Variants in SGPP2 observed in about 807,000 individuals in gnomAD.
SGPP2 encodes the protein sphingosine-1-phosphate phosphatase 2.
In SGPP2, 30 loss-of-function variants were observed where a neutral mutation model predicts 33.9. The ratio of observed to expected loss-of-function variants is 0.89; its 90% CI spans 0.66 to 1.20. The LOEUF is 1.20. Among genes scored for constraint, SGPP2 ranks in the 50% most tolerant of loss-of-function variants. SGPP2 has a pLI of 0.00. For missense variants in SGPP2, 458 were observed against 532.1 expected (o/e 0.86, Z 1.37); for synonymous variants, 233 against 225.0 (o/e 1.04, Z -0.32).
chr2:222,530,964 T>C lies in SGPP2; in HGVS notation c.648+5931T>C, dbSNP rs560286351. On this transcript the variant is annotated intron_variant, in intron 4 of 4. Coordinates refer to ENST00000321276, the MANE Select transcript of SGPP2 (RefSeq NM_152386.4). The stretch of plus-strand genomic sequence containing the variant: ...AGAGAGGTTTGCTCGAGCCCAGGAG[T>C]TGGAGGCTGTAGTGAGGTATGCTTG... Among the ~76,000 whole-genome samples the C allele has an allele frequency of 9.2e-5, 14 of 152,026 alleles. No homozygotes were observed. The East Asian group carries it at 2.7e-3, about 29-fold the overall frequency.
In SGPP2 at chr2:222,544,770, G is replaced by A. The variant is rs148550784; in HGVS notation, c.649-13577G>A. Among the ~76,000 whole-genome samples, 538 of 152,142 alleles carry A rather than the reference G, an allele frequency of 3.5e-3. 3 individuals are homozygous for A. Among genetic ancestry groups the A allele is most frequent in the South Asian group, 0.02 (98 of 4,810 alleles). On this transcript the variant is annotated intron_variant, in intron 4 of 4. Transcript: ENST00000321276. ...AATATAGCTCTGTTATTCTGGAAAGGTGCCTGTGACATATTATTAATCTTT... is the reference window on the plus strand; with the variant it reads ...AATATAGCTCTGTTATTCTGGAAAGATGCCTGTGACATATTATTAATCTTT...
At chr2:222,536,036 T>C (rs1239359652) in intron 4 of SGPP2, among the ~76,000 whole-genome samples, 1 of 152,194 alleles carries the variant, frequency 6.6e-6, no homozygotes, top group Non-Finnish European at 1.5e-5. Context: ...CTGCGTGTTG[T>C]ATTTGTGTTT....
chr2:222,439,210 C>G (rs1254663019), intron 1 of SGPP2, among the ~76,000 whole-genome samples: 1 of 152,130 alleles, frequency 6.6e-6, no homozygotes, highest in Non-Finnish European at 1.5e-5. Context: ...GGCCAGAGGT[C>G]TCCTTGGGGA....
At chr2:222,496,253 T>C (rs1048350007) in intron 2 of SGPP2, among the ~76,000 whole-genome samples, 5 of 152,228 alleles carry the variant, frequency 3.3e-5, no homozygotes, top group African/African-American at 1.2e-4. Flanking sequence ...GTAAAACAGT[T>C]CCCGTCCATG....
chr2:222,562,198 C>T lies in SGPP2; in HGVS notation c.*3300C>T, dbSNP rs1689555035. ...CCAGGAGCCAGATAGAATGACATGC[C>T]TTTTTCCTAATTGTCCACATTCCAC... On this transcript the variant is annotated 3_prime_UTR_variant, in exon 5 of 5. Coordinates refer to ENST00000321276, the MANE Select transcript of SGPP2 (RefSeq NM_152386.4). 6.6e-6 allele frequency among the ~76,000 whole-genome samples: 1 copy of T among 152,178 alleles called. No homozygotes were observed. The highest frequency in any genetic ancestry group is 6.5e-5 in the Admixed American group (1 of 15,280).
At chr2:222,509,585 A>C (rs138653162) in intron 2 of SGPP2, among the ~76,000 whole-genome samples, 96 of 152,334 alleles carry the variant, frequency 6.3e-4, no homozygotes, top group African/African-American at 2.2e-3. Flanking sequence ...AGAATTGAAC[A>C]GGATTTTTGA....
In SGPP2 at chr2:222,465,462, G is replaced by C. The variant is rs1023215480; in HGVS notation, c.220-9106G>C. 6.6e-6 allele frequency among the ~76,000 whole-genome samples: 1 copy of C among 151,992 alleles called. No homozygotes were observed. Among genetic ancestry groups the C allele is most frequent in the African/African-American group, 2.4e-5 (1 of 41,362 alleles). ...TGAGTAATTAAAAGTGACGGGCCAG[G>C]TTAGTAAATAGATTTGTGAATTCAG... On this transcript the variant is annotated intron_variant, in intron 1 of 4. Coordinates refer to ENST00000321276, the MANE Select transcript of SGPP2 (RefSeq NM_152386.4). The surrounding 1 kb of genome is among the most constrained non-coding windows in gnomAD (Gnocchi z 4.1).
intron 1 of SGPP2, among the ~76,000 whole-genome samples, chr2:222,438,101 G>T (rs1697271842): frequency 6.6e-6 from 1 of 152,176 alleles, no homozygotes; most frequent in South Asian, 2.1e-4. Flanking sequence ...CCAAATGAGG[G>T]ATATGTTGCC....
At position 222,550,189 on chromosome 2, in the gene SGPP2, A is replaced by G. The variant is rs1444241901; in HGVS notation, c.649-8158A>G. On this transcript the variant is annotated intron_variant, in intron 4 of 4. Coordinates refer to ENST00000321276, the MANE Select transcript of SGPP2 (RefSeq NM_152386.4). The surrounding 1 kb of genome is among the most constrained non-coding windows in gnomAD (Gnocchi z 4.5). ...CACCGCACCCAGCCTGTATGCCTTT[A>G]TTTTAAAAGTTACTTGGATCATGGA... Among the ~76,000 whole-genome samples the G allele has an allele frequency of 1.3e-5, 2 of 152,054 alleles. No individual in the cohort carries two copies. Among genetic ancestry groups the G allele is most frequent in the Non-Finnish European group, 2.9e-5 (2 of 67,988 alleles).
intron 3 of SGPP2, 29 bp from the exon 4 acceptor site, chr2:222,524,915 T>G: frequency 6.4e-7 from 1 of 1,560,980 alleles, no homozygotes; most frequent in Non-Finnish European, 8.8e-7. Context: ...TGTGATCTAA[T>G]TCCCTTGTTT....
At chr2:222,534,257 A>C (rs1040067319) in intron 4 of SGPP2, among the ~76,000 whole-genome samples, 4 of 152,210 alleles carry the variant, frequency 2.6e-5, no homozygotes, top group African/African-American at 7.2e-5. Context: ...TTGACTAATG[A>C]AACAACCATC....
chr2:222,468,211 G>A (rs934322455), intron 1 of SGPP2, among the ~76,000 whole-genome samples: 66 of 152,160 alleles, frequency 4.3e-4, no homozygotes, highest in East Asian at 1.9e-4. Context: ...GGACTGGGGC[G>A]TGGGGCGGTT....
intron 1 of SGPP2, among the ~76,000 whole-genome samples, chr2:222,436,452 C>T (rs762068262): frequency 6.6e-6 from 1 of 152,132 alleles, no homozygotes; most frequent in Non-Finnish European, 1.5e-5. Flanking sequence ...GAGAACTTTG[C>T]CCCAGCCCTG....
intron 1 of SGPP2, among the ~76,000 whole-genome samples, chr2:222,426,238 C>T (rs1375086092): frequency 1.4e-5 from 2 of 145,440 alleles, no homozygotes; most frequent in African/African-American, 5.1e-5. Context: ...AAAAAAAGAC[C>T]AAAACAAACA....
intron 4 of SGPP2, among the ~76,000 whole-genome samples, chr2:222,526,054 A>G (rs2106137276): frequency 6.6e-6 from 1 of 152,356 alleles, no homozygotes; most frequent in East Asian, 1.9e-4. Context: ...CTTAAAATGC[A>G]AAGGAAGGTG....
chr2:222,521,852 G>A lies in SGPP2; in HGVS notation c.464G>A (p.Arg155Lys). The change falls in exon 3 of 5, where the codon AGA becomes AAA. Residue 155 changes from arginine to lysine, a missense_variant. Coordinates refer to ENST00000321276, the MANE Select transcript of SGPP2 (RefSeq NM_152386.4). ...SSPPVVKLEK[R>K]LIAEYGMPST... ...CCTCCAGTTGTAAAACTGGAAAAGA[G>A]ACTGATCGCTGAATATGGAATGCCA... 6.2e-7 allele frequency: 1 copy of A among 1,611,274 alleles called. No individual in the cohort carries two copies. Among genetic ancestry groups the A allele is most frequent in the Admixed American group, 1.7e-5 (1 of 59,572 alleles).
In SGPP2 at chr2:222,468,666, C is replaced by A. The variant is rs560943133; in HGVS notation, c.220-5902C>A. 7.2e-5 allele frequency among the ~76,000 whole-genome samples: 11 copies of A among 152,282 alleles called. No homozygotes were observed. The East Asian group carries it at 2.1e-3, about 29-fold the overall frequency. On this transcript the variant is annotated intron_variant, in intron 1 of 4. Transcript: ENST00000321276. ...GTATATTTCCTTTGCATTTAGGACT[C>A]CTTTGTATGTGTTTGGAAAGCAAAG...
At position 222,558,643 on chromosome 2, in the gene SGPP2, A is replaced by G. The variant is rs4674664; in HGVS notation, c.945A>G (p.Pro315=). ...ESLPVIQNIP[P]LTTYMLVLGL... ...TCCCTGTTATTCAGAACATCCCACC[A>G]CTCACCACCTACATGTTAGTTTTGG... The change falls in exon 5 of 5, where the codon CCA becomes CCG. Residue 315 remains proline, a synonymous_variant. Coordinates refer to ENST00000321276, the MANE Select transcript of SGPP2 (RefSeq NM_152386.4). The G allele has an allele frequency of 0.92, 1,492,891 of 1,614,040 alleles. 692,943 individuals carry two copies. The highest frequency in any genetic ancestry group is 1 in the East Asian group (44,872 of 44,886).
chr2:222,525,539 C>T (rs1340269737), intron 4 of SGPP2, among the ~76,000 whole-genome samples: 1 of 152,138 alleles, frequency 6.6e-6, no homozygotes, highest in Non-Finnish European at 1.5e-5. Flanking sequence ...AACAGAGTCC[C>T]ATCTGCATGT....
Sources: gnomAD v4.1 joint callset for allele counts (sites outside exome capture counted in the v4.1 genomes callset) on GRCh38, gnomAD v4.1.1 for gene constraint, Gnocchi (gnomAD v3.1) non-coding constraint, MANE v1.5 for transcripts, NCBI Gene and HGNC (gene_info 2026-07-23, HGNC 2026-07-21) for gene names.